C2orf42: variants seen among roughly 807,000 people sequenced by gnomAD.
C2orf42 encodes the protein uncharacterized protein C2orf42.
In C2orf42, 44 loss-of-function variants were observed where a neutral mutation model predicts 58.9. The ratio of observed to expected loss-of-function variants is 0.75; its 90% CI spans 0.59 to 0.96. The LOEUF (loss-of-function observed/expected upper bound fraction) is 0.96. C2orf42 is among the 40% of genes least tolerant of loss of function. C2orf42 has a pLI of 0.00. For synonymous variants in C2orf42, 239 were observed against 265.4 expected, an observed-to-expected ratio of 0.90 and a Z score of 0.97; for missense variants, 630 against 699.2, an observed-to-expected ratio of 0.90 and a Z score of 1.12.
chr2:70,159,691 G>A lies in C2orf42; in HGVS notation c.1516+934C>T, dbSNP rs75763383. On this transcript the variant is annotated intron_variant, in intron 9 of 9. Transcript: ENST00000264434. Reference sequence around the variant, plus strand: ...TCAAGTACAGTCTAAAACAGACTTAGAAGAGATTTTAATTTTTCTTCTTTT... The same window carrying A: ...TCAAGTACAGTCTAAAACAGACTTAAAAGAGATTTTAATTTTTCTTCTTTT... Among the ~76,000 whole-genome samples, 459 of 152,170 alleles carry A rather than the reference G, an allele frequency of 3.0e-3. 4 individuals carry two copies. Among genetic ancestry groups the A allele is most frequent in the African/African-American group, 0.01 (436 of 41,528 alleles).
intron 9 of C2orf42, among the ~76,000 whole-genome samples, chr2:70,158,446 A>ATTTG (rs554294278): frequency 1.4e-3 from 161 of 112,254 alleles, no homozygotes; most frequent in African/African-American, 7.6e-3. Flanking sequence ...TTATTTATTT[A>ATTTG]TTTGTTTGTT....
intron 1 of C2orf42, chr2:70,190,672 C>G (rs1436640445): frequency 6.6e-6 from 1 of 152,250 alleles, no homozygotes; most frequent in Non-Finnish European, 1.5e-5. Flanking sequence ...GAGCGGCCGC[C>G]CGACTCCGGG....
intron 9 of C2orf42, among the ~76,000 whole-genome samples, chr2:70,156,414 G>A (rs903628958): frequency 4.6e-5 from 7 of 151,964 alleles, no homozygotes; most frequent in Non-Finnish European, 2.9e-5. Context: ...GAACCCAGGA[G>A]TTCAAGGCTG....
intron 6 of C2orf42, 123 bp downstream of exon 6, chr2:70,169,434 C>T (rs1572999950): frequency 2.2e-6 from 1 of 455,578 alleles, no homozygotes; most frequent in Non-Finnish European, 3.9e-6. Flanking sequence ...TTTCTACTTT[C>T]TTGTGGCCCA....
intron 5 of C2orf42, among the ~76,000 whole-genome samples, chr2:70,172,406 G>A (rs183434634): frequency 8.7e-4 from 130 of 149,642 alleles, no homozygotes; most frequent in Non-Finnish European, 4.0e-4. Flanking sequence ...TTCCGGGCAC[G>A]GTGGCTCATG....
At chr2:70,162,094 C>T (rs186988941) in intron 8 of C2orf42, among the ~76,000 whole-genome samples, 8 of 151,822 alleles carry the variant, frequency 5.3e-5, no homozygotes, top group Non-Finnish European at 1.0e-4. Flanking sequence ...TCACTGCAAC[C>T]TCCGCCTCCC....
At chr2:70,174,750 A>G (rs1674072934) in intron 5 of C2orf42, among the ~76,000 whole-genome samples, 1 of 150,388 alleles carries the variant, frequency 6.6e-6, no homozygotes, top group South Asian at 2.1e-4. Context: ...GGCTCACTGC[A>G]ACCTCTGCCT....
intron 5 of C2orf42, among the ~76,000 whole-genome samples, chr2:70,170,690 G>T (rs1376559664): frequency 2.0e-5 from 3 of 148,096 alleles, no homozygotes; most frequent in African/African-American, 7.4e-5. Flanking sequence ...GGAGGCGGAG[G>T]TTGCAGTGAA....
intron 1 of C2orf42, among the ~76,000 whole-genome samples, chr2:70,186,455 A>G (rs1327579646): frequency 2.6e-5 from 4 of 152,182 alleles, no homozygotes; most frequent in Non-Finnish European, 4.4e-5. Context: ...AAGTCAGGAA[A>G]CAACATGTGC....
intron 3 of C2orf42, 97 bp from the exon 4 acceptor site, chr2:70,179,739 C>T (rs1026842742): frequency 1.1e-5 from 5 of 474,862 alleles, no homozygotes; most frequent in Admixed American, 9.8e-5. Context: ...TTTTAAAAAT[C>T]CCCCAAACGA....
chr2:70,163,636 G>C (rs1673206166), intron 8 of C2orf42, among the ~76,000 whole-genome samples: 1 of 152,120 alleles, frequency 6.6e-6, no homozygotes, highest in Non-Finnish European at 1.5e-5. Flanking sequence ...GATCACTTGA[G>C]ATCAGGAGCT....
At chr2:70,166,999 C>T (rs764377454) in intron 6 of C2orf42, among the ~76,000 whole-genome samples, 1 of 152,130 alleles carries the variant, frequency 6.6e-6, no homozygotes, top group African/African-American at 2.4e-5. Context: ...CAGCAAGCAT[C>T]TGTCTTTCTC....
chr2:70,177,013 T>C (rs1674235416), intron 4 of C2orf42, among the ~76,000 whole-genome samples: 1 of 152,166 alleles, frequency 6.6e-6, no homozygotes, highest in Non-Finnish European at 1.5e-5. Context: ...GGCTCACACC[T>C]GTAATCCCAC....
At chr2:70,180,965 C>CACT (rs887239774) in intron 3 of C2orf42, among the ~76,000 whole-genome samples, 198 bp downstream of exon 3, 3 of 130,490 alleles carry the variant, frequency 2.3e-5, no homozygotes, top group Non-Finnish European at 4.6e-5. Flanking sequence ...CAGGCCACTG[C>CACT]ACTCTAGCCT....
At chr2:70,162,907 C>G (rs895863361) in intron 8 of C2orf42, among the ~76,000 whole-genome samples, 1 of 152,088 alleles carries the variant, frequency 6.6e-6, no homozygotes, top group Non-Finnish European at 1.5e-5. Context: ...CGATCTTGTC[C>G]CCCAGGCTGG....
At chr2:70,154,532 A>C (rs989969875) in intron 9 of C2orf42, among the ~76,000 whole-genome samples, 2 of 152,048 alleles carry the variant, frequency 1.3e-5, no homozygotes, top group African/African-American at 4.8e-5. Flanking sequence ...TAAAGGAAGA[A>C]AACAGAAAGA....
chr2:70,171,039 C>T (rs538218799), intron 5 of C2orf42, among the ~76,000 whole-genome samples: 4 of 151,984 alleles, frequency 2.6e-5, no homozygotes, highest in South Asian at 2.1e-4. Flanking sequence ...GGCATGAACC[C>T]GGGAGGCGGA....
In C2orf42 at chr2:70,181,558, T is replaced by G. The variant is rs1401820653; in HGVS notation, c.428A>C (p.Gln143Pro). 6.2e-7 allele frequency: 1 copy of G among 1,614,006 alleles called. No homozygotes were observed. Among genetic ancestry groups the G allele is most frequent in the South Asian group, 1.1e-5 (1 of 91,090 alleles). ...CAGGGTCAGAGGGGTGGCCTCTGCC[T>G]GGCAGTTCACCGCCAGCTTGATGTG... ...CQHIKLAVNCQAEATPLTLKS... is the reference protein window; with the variant it reads ...CQHIKLAVNCPAEATPLTLKS... Residue 143 changes from glutamine to proline, a missense_variant, in exon 3 of 10, where the codon CAG becomes CCG. Transcript: ENST00000264434.
At position 70,165,526 on chromosome 2, in the gene C2orf42, A is replaced by G; in HGVS notation, c.1252+2T>C. ...TCACTATACCAAAGGGAAATCCTGT[A>G]CCTGTGGTGGAGTTGGGGAGCCGTT... On this transcript the variant is annotated splice_donor_variant, in intron 7 of 9. Coordinates refer to ENST00000264434, the MANE Select transcript of C2orf42 (RefSeq NM_017880.3). LOFTEE classifies it high-confidence loss of function. 1 of 1,500,618 alleles carries G rather than the reference A, an allele frequency of 6.7e-7. No homozygotes were observed. The highest frequency in any genetic ancestry group is 2.3e-5 in the East Asian group (1 of 44,368). 93.0% of individuals were successfully genotyped at this position (1,500,618 alleles called of 1,614,324 possible).
Sources: gnomAD v4.1 joint callset for allele counts (sites outside exome capture counted in the v4.1 genomes callset) on GRCh38, gnomAD v4.1.1 for gene constraint, MANE v1.5 for transcripts, NCBI Gene and HGNC (gene_info 2026-07-23, HGNC 2026-07-21) for gene names.